The following RUNDC3B variants were observed in gnomAD, a reference collection of about 807,000 sequenced individuals.
RUNDC3B encodes RUN domain containing 3B.
In RUNDC3B, 33 loss-of-function variants were observed where a neutral mutation model predicts 58.4. The observed-to-expected ratio is 0.56, with a 90% CI of 0.43 to 0.75. RUNDC3B has a LOEUF of 0.75. Ranked by LOEUF, RUNDC3B falls within the 30% of genes least tolerant of loss-of-function variation. The pLI is 0.00. For missense variants in RUNDC3B, 501 were observed against 535.7 expected (o/e 0.94, Z 0.64); for synonymous variants, 193 against 195.2 (o/e 0.99, Z 0.10).
chr7:87,818,407 A>G (rs1837197390), intron 10 of RUNDC3B, among the ~76,000 whole-genome samples: 1 of 152,170 alleles, frequency 6.6e-6, no homozygotes, highest in African/African-American at 2.4e-5. Context: ...GATATAATAG[A>G]CTACAAAAAA....
chr7:87,752,708 G>A (rs1018998691), intron 6 of RUNDC3B, among the ~76,000 whole-genome samples: 2 of 152,114 alleles, frequency 1.3e-5, no homozygotes, highest in Non-Finnish European at 2.9e-5. Context: ...ATTTCTGTGG[G>A]ATTGGTAGTG....
intron 1 of RUNDC3B, among the ~76,000 whole-genome samples, chr7:87,640,061 A>G (rs1043757067): frequency 6.6e-6 from 1 of 150,692 alleles, no homozygotes; most frequent in Non-Finnish European, 1.5e-5. Flanking sequence ...ATGTTTATAT[A>G]TATTTCTATT....
intron 4 of RUNDC3B, among the ~76,000 whole-genome samples, chr7:87,720,491 A>G (rs1830811561): frequency 6.6e-6 from 1 of 152,064 alleles, no homozygotes; most frequent in Non-Finnish European, 1.5e-5. Flanking sequence ...TCACTTCCAC[A>G]AATCTAAGCA....
chr7:87,784,835 T>C (rs1032935618), intron 8 of RUNDC3B, among the ~76,000 whole-genome samples: 3 of 151,944 alleles, frequency 2.0e-5, no homozygotes, highest in African/African-American at 7.3e-5. Context: ...CTATCATGGA[T>C]GTCCTGCCTA....
In RUNDC3B at chr7:87,703,457, G is replaced by A. The variant is rs73706904; in HGVS notation, c.372+2903G>A. Among the ~76,000 whole-genome samples, 1,200 of 152,228 alleles carry A rather than the reference G, an allele frequency of 7.9e-3. 22 individuals carry two copies. Among genetic ancestry groups the A allele is most frequent in the African/African-American group, 0.027 (1,136 of 41,556 alleles). ...ACTTTTGGATACAGTTAATAGCTAT[G>A]ATTTTTGTCACCTTTTTGAGACTAT... On this transcript the variant is annotated intron_variant, in intron 3 of 10. Transcript: ENST00000394654.
At chr7:87,765,990 T>C (rs1309965207) in intron 6 of RUNDC3B, among the ~76,000 whole-genome samples, 1 of 152,284 alleles carries the variant, frequency 6.6e-6, no homozygotes, top group East Asian at 1.9e-4. Flanking sequence ...TGGATGCATA[T>C]ATATTTAGAA....
intron 6 of RUNDC3B, among the ~76,000 whole-genome samples, chr7:87,762,775 A>G (rs1833765750): frequency 6.6e-6 from 1 of 151,530 alleles, no homozygotes; most frequent in Admixed American, 6.6e-5. Flanking sequence ...ATATGTCAAT[A>G]TATTAAAAAT....
At chr7:87,641,804 G>A (rs562748471) in intron 1 of RUNDC3B, among the ~76,000 whole-genome samples, 20 of 152,226 alleles carry the variant, frequency 1.3e-4, no homozygotes, top group African/African-American at 4.6e-4. Context: ...CTCCAGTGAT[G>A]GTGATTGTCT....
intron 2 of RUNDC3B, among the ~76,000 whole-genome samples, chr7:87,651,267 G>A (rs978297575): frequency 1.3e-5 from 2 of 151,994 alleles, no homozygotes; most frequent in Admixed American, 6.6e-5. Context: ...AGCATTCCAG[G>A]CATTATGTTT....
intron 1 of RUNDC3B, among the ~76,000 whole-genome samples, chr7:87,631,648 C>A (rs1177560953): frequency 6.6e-6 from 1 of 152,230 alleles, no homozygotes; most frequent in African/African-American, 2.4e-5. Context: ...CCGCCTCGGC[C>A]TCCCAAAGTG....
chr7:87,655,272 A>T (rs961466600), intron 2 of RUNDC3B, among the ~76,000 whole-genome samples: 7 of 152,148 alleles, frequency 4.6e-5, no homozygotes, highest in African/African-American at 7.2e-5. Context: ...CTCTACTCCC[A>T]TGTTCATTGC....
At position 87,682,906 on chromosome 7, in the gene RUNDC3B, T is replaced by C. The variant is rs182680364; in HGVS notation, c.239-17515T>C. Among the ~76,000 whole-genome samples, 381 of 152,358 alleles carry C rather than the reference T, an allele frequency of 2.5e-3. 1 individual carries two copies. The highest frequency in any genetic ancestry group is 4.2e-3 in the Non-Finnish European group (288 of 68,020). ...CTTCTTTTACTATGAAAGGTTTAGA[T>C]GGCATCTTCTTCCAATATAAAGCTG... is the stretch of plus-strand genomic sequence containing the variant. On this transcript the variant is annotated intron_variant, in intron 2 of 10. Coordinates refer to ENST00000394654, the MANE Select transcript of RUNDC3B (RefSeq NM_001134405.2).
rs1563240854 is a variant in RUNDC3B, at chr7:87,830,020, C to T, written c.1361C>T (p.Thr454Ile). The change falls in exon 11 of 11, where the codon ACT (threonine) becomes ATT (isoleucine). Residue 454 changes from threonine (T) to isoleucine (I), a missense_variant. Coordinates refer to ENST00000394654, the MANE Select transcript of RUNDC3B (RefSeq NM_001134405.2). ...PTTEMTSPGL[T>I]PS The stretch of plus-strand genomic sequence containing the variant: ...ACAGAGATGACAAGTCCAGGCCTAA[C>T]TCCATCCTGAAAATTTTTGTGTAAA... 1.3e-6 allele frequency: 2 copies of T among 1,568,194 alleles called. No individual in the cohort carries two copies. Among genetic ancestry groups the T allele is most frequent in the East Asian group, 2.3e-5 (1 of 43,604 alleles).
intron 10 of RUNDC3B, among the ~76,000 whole-genome samples, chr7:87,822,760 C>T (rs1427425549): frequency 6.6e-6 from 1 of 152,060 alleles, no homozygotes; most frequent in Non-Finnish European, 1.5e-5. Context: ...AAACTGGAAA[C>T]CATCATTCTC....
intron 10 of RUNDC3B, among the ~76,000 whole-genome samples, chr7:87,821,610 C>T (rs1584288156): frequency 2.6e-5 from 4 of 152,040 alleles, no homozygotes; most frequent in African/African-American, 9.7e-5. Context: ...AGAACAAAGC[C>T]AGAGGCATCA....
intron 6 of RUNDC3B, among the ~76,000 whole-genome samples, chr7:87,752,000 T>A (rs1165282447): frequency 6.6e-6 from 1 of 152,222 alleles, no homozygotes; most frequent in African/African-American, 2.4e-5. Context: ...AGTATGATAT[T>A]GGCTGTGGGT....
chr7:87,725,096 TG>T (rs1458415060), intron 4 of RUNDC3B, among the ~76,000 whole-genome samples: 6 of 152,320 alleles, frequency 3.9e-5, no homozygotes, highest in South Asian at 2.1e-4. Flanking sequence ...TTAATGTGAT[TG>T]TTTTTTATTA....
intron 2 of RUNDC3B, among the ~76,000 whole-genome samples, chr7:87,660,653 T>C (rs1824604496): frequency 6.6e-6 from 1 of 152,006 alleles, no homozygotes; most frequent in Non-Finnish European, 1.5e-5. Flanking sequence ...TTGTTTCCTC[T>C]GTTATATCTT....
intron 8 of RUNDC3B, among the ~76,000 whole-genome samples, chr7:87,805,791 T>C (rs1205548146): frequency 6.6e-6 from 1 of 152,164 alleles, no homozygotes; most frequent in African/African-American, 2.4e-5. Context: ...GACATTGAAA[T>C]TGAGTTTTCC....
Sources: gnomAD v4.1 joint callset for allele counts (sites outside exome capture counted in the v4.1 genomes callset) on GRCh38, gnomAD v4.1.1 for gene constraint, MANE v1.5 for transcripts, NCBI Gene and HGNC (gene_info 2026-07-23, HGNC 2026-07-21) for gene names.